FGF2: variants seen among roughly 807,000 people sequenced by gnomAD.
The protein encoded by FGF2 is basic fibroblast growth factor bFGF.
Under a neutral mutation model 15.9 loss-of-function variants are expected in FGF2, and 13 were observed. The ratio of observed to expected loss-of-function variants is 0.82; its 90% CI spans 0.53 to 1.30. The LOEUF is 1.30. Among genes scored for constraint, FGF2 ranks in the 50% most tolerant of loss-of-function variants. The probability of loss-of-function intolerance (pLI) is 0.00; values close to 1 mark genes in which losing one functional copy is unlikely to be tolerated. For missense variants in FGF2, 163 were observed against 196.9 expected (o/e 0.83, Z 1.03); for synonymous variants, 90 against 78.4 (o/e 1.15, Z -0.78).
chr4:122,850,850 G>C (rs1221135944), intron 1 of FGF2, among the ~76,000 whole-genome samples: 1 of 152,098 alleles, frequency 6.6e-6, no homozygotes, highest in Non-Finnish European at 1.5e-5. Flanking sequence ...CTTCTTTTTT[G>C]GGATGGAAGT....
At chr4:122,863,959 G>A (rs1007142192) in intron 1 of FGF2, among the ~76,000 whole-genome samples, 14 of 147,884 alleles carry the variant, frequency 9.5e-5, no homozygotes, top group African/African-American at 3.5e-4. Context: ...TTCTTTACTC[G>A]AAGTCAATTG....
chr4:122,863,511 A>G (rs1489177917), intron 1 of FGF2, among the ~76,000 whole-genome samples: 1 of 152,078 alleles, frequency 6.6e-6, no homozygotes, highest in Non-Finnish European at 1.5e-5. Context: ...CCAGAATATC[A>G]TTCTCTTTTG....
chr4:122,849,917 A>AGAACATTGTGTATGTT (rs1726193533), intron 1 of FGF2, among the ~76,000 whole-genome samples: 3 of 152,366 alleles, frequency 2.0e-5, no homozygotes, highest in African/African-American at 7.2e-5. Flanking sequence ...TATCATTTCC[A>AGAACATTGTGTATGTT]GAACATTGTG....
chr4:122,828,332 C>G (rs1014717776), intron 1 of FGF2, among the ~76,000 whole-genome samples: 1 of 152,136 alleles, frequency 6.6e-6, no homozygotes, highest in African/African-American at 2.4e-5. Context: ...ATAAGATGAG[C>G]CGATTTACAA....
rs1034393084 is a variant in FGF2, at chr4:122,827,741, A to G, written c.178+389A>G. On this transcript the variant is annotated intron_variant, in intron 1 of 2. Coordinates refer to ENST00000644866, the MANE Select transcript of FGF2 (RefSeq NM_001361665.2). The surrounding 1 kb of genome is among the most constrained non-coding windows in gnomAD (Gnocchi z 4.2). ...GTGCTGTCCCGGGGACAAAGACAGG[A>G]AGGACCGCAGCAGAACGAAACGGTC... 3.3e-5 allele frequency among the ~76,000 whole-genome samples: 5 copies of G among 152,192 alleles called. No individual in the cohort carries two copies. Among genetic ancestry groups the G allele is most frequent in the African/African-American group, 1.2e-4 (5 of 41,454 alleles).
chr4:122,867,855 G>C (rs1726632747), intron 1 of FGF2, among the ~76,000 whole-genome samples: 1 of 152,174 alleles, frequency 6.6e-6, no homozygotes, highest in Non-Finnish European at 1.5e-5. Context: ...AAACATTTAA[G>C]ATGATTATGG....
At chr4:122,854,397 C>T (rs1175523547) in intron 1 of FGF2, among the ~76,000 whole-genome samples, 1 of 152,136 alleles carries the variant, frequency 6.6e-6, no homozygotes, top group Non-Finnish European at 1.5e-5. Flanking sequence ...AAGAGTCTCC[C>T]GCACCTCACA....
rs573320579 is a variant in FGF2, at chr4:122,849,384, G to A, written c.178+22032G>A. Among the ~76,000 whole-genome samples, 83 of 152,154 alleles carry A rather than the reference G, an allele frequency of 5.5e-4. 1 individual carries two copies. Among genetic ancestry groups the A allele is most frequent in the Middle Eastern group, 3.4e-3 (1 of 294 alleles). ...CCAAACACCACATGTTCTCAGTCATGAGTGGGAGTTGAACAATGAGAACAC... is the reference window on the plus strand; with the variant it reads ...CCAAACACCACATGTTCTCAGTCATAAGTGGGAGTTGAACAATGAGAACAC... On this transcript the variant is annotated intron_variant, in intron 1 of 2. Coordinates refer to ENST00000644866, the MANE Select transcript of FGF2 (RefSeq NM_001361665.2).
chr4:122,880,669 A>AG (rs745489236), intron 2 of FGF2, among the ~76,000 whole-genome samples: 6 of 152,138 alleles, frequency 3.9e-5, no homozygotes, highest in Non-Finnish European at 5.9e-5. Flanking sequence ...GTGGCTTTGC[A>AG]GGGTACAGCC....
chr4:122,866,602 T>G (rs962195973), intron 1 of FGF2, among the ~76,000 whole-genome samples: 2 of 152,120 alleles, frequency 1.3e-5, no homozygotes, highest in Admixed American at 6.6e-5. Context: ...TTATTACCCA[T>G]CGAAGAAATG....
At chr4:122,855,650 A>G (rs1390706272) in intron 1 of FGF2, among the ~76,000 whole-genome samples, 1 of 152,214 alleles carries the variant, frequency 6.6e-6, no homozygotes, top group Non-Finnish European at 1.5e-5. Flanking sequence ...TTTTCTCATA[A>G]GTAGTGCAGA....
At chr4:122,877,273 T>C (rs10011927) in intron 2 of FGF2, among the ~76,000 whole-genome samples, 48,275 of 151,944 alleles carry the variant, frequency 0.32, 7,912 homozygotes, top group South Asian at 0.46. Flanking sequence ...CCATGCCTGG[T>C]TAATTTTTTT....
rs1028050464 is a variant in FGF2, at chr4:122,896,236, A to G, written c.*3840A>G. On this transcript the variant is annotated 3_prime_UTR_variant, in exon 3 of 3. Transcript: ENST00000644866. ...TGAATTTTTAATCATCTGGACTTTA[A>G]GAAGGATTCTGGAGTATACTTAGGC... 6.6e-6 allele frequency: 1 copy of G among 152,504 alleles called. No individual in the cohort carries two copies. Among genetic ancestry groups the G allele is most frequent in the Admixed American group, 6.6e-5 (1 of 15,246 alleles). 9.4% of individuals were successfully genotyped at this position (152,504 alleles called of 1,614,324 possible).
Position 122,835,519 on chromosome 4 carries a change from A to G in FGF2, c.178+8167A>G, listed in dbSNP as rs559668904. ...CCATAGCTTCAACTTAACATACATA[A>G]AACAGAACTTAACACCATTTTCTCA... On this transcript the variant is annotated intron_variant, in intron 1 of 2. Coordinates refer to ENST00000644866, the MANE Select transcript of FGF2 (RefSeq NM_001361665.2). 4.9e-4 allele frequency among the ~76,000 whole-genome samples: 75 copies of G among 152,068 alleles called. 1 individual carries two copies. The highest frequency in any genetic ancestry group is 8.1e-4 in the Non-Finnish European group (55 of 68,008).
chr4:122,856,956 A>T (rs1159884270), intron 1 of FGF2, among the ~76,000 whole-genome samples: 1 of 152,206 alleles, frequency 6.6e-6, no homozygotes, highest in African/African-American at 2.4e-5. Context: ...CCCTGAGAAG[A>T]AAAGACCATT....
rs1727252324 is a variant in FGF2, at chr4:122,893,458, T to G, written c.*1062T>G. ...TGCTGAATATTTCTTTGGCTGCTACTTGGAGGCTTATCTACCTGTACATTT... is the reference window on the plus strand; with the variant it reads ...TGCTGAATATTTCTTTGGCTGCTACGTGGAGGCTTATCTACCTGTACATTT... On this transcript the variant is annotated 3_prime_UTR_variant, in exon 3 of 3. Coordinates refer to ENST00000644866, the MANE Select transcript of FGF2 (RefSeq NM_001361665.2). 1 of 406,804 alleles carries G rather than the reference T, an allele frequency of 2.5e-6. No individual in the cohort carries two copies. The highest frequency in any genetic ancestry group is 6.6e-5 in the South Asian group (1 of 15,216). 25.2% of individuals were successfully genotyped at this position (406,804 alleles called of 1,614,324 possible).
At chr4:122,844,867 G>A (rs988725651) in intron 1 of FGF2, among the ~76,000 whole-genome samples, 7 of 151,978 alleles carry the variant, frequency 4.6e-5, no homozygotes, top group African/African-American at 1.7e-4. Context: ...GAACTCCTGG[G>A]CTCAAGCCAT....
At chr4:122,835,362 C>T (rs2150762982) in intron 1 of FGF2, among the ~76,000 whole-genome samples, 1 of 152,054 alleles carries the variant, frequency 6.6e-6, no homozygotes, top group African/African-American at 2.4e-5. Flanking sequence ...TTTGTATTCC[C>T]CCAAGGTTCT....
intron 2 of FGF2, among the ~76,000 whole-genome samples, chr4:122,887,044 G>C (rs1479720277): frequency 1.3e-5 from 2 of 152,068 alleles, no homozygotes; most frequent in African/African-American, 4.8e-5. Flanking sequence ...GGCAGAGCAT[G>C]GTGGCTCACA....
Sources: allele counts gnomAD v4.1 joint callset (sites outside exome capture counted in the v4.1 genomes callset), GRCh38; gene constraint gnomAD v4.1.1; non-coding constraint Gnocchi (gnomAD v3.1); transcripts MANE v1.5; gene names NCBI Gene and HGNC (gene_info 2026-07-23, HGNC 2026-07-21).